NPFFR2: variants seen among roughly 807,000 people sequenced by gnomAD.
The protein encoded by NPFFR2 is neuropeptide FF receptor 2.
A neutral mutation model predicts 13.1 loss-of-function variants in NPFFR2; 15 were observed. The ratio of observed to expected loss-of-function variants is 1.15; its 90% CI spans 0.77 to 1.76. NPFFR2 has a LOEUF of 1.76. NPFFR2 is among the 40% of genes most tolerant of loss of function. The pLI, the probability that NPFFR2 is intolerant of heterozygous loss-of-function variation, is 0.00. For missense variants in NPFFR2, 572 were observed against 503.5 expected (o/e 1.14, Z -1.30); for synonymous variants, 190 against 175.7 (o/e 1.08, Z -0.65).
chr4:72,131,697 T>C (rs894664290), intron 2 of NPFFR2, among the ~76,000 whole-genome samples: 1 of 152,190 alleles, frequency 6.6e-6, no homozygotes, highest in African/African-American at 2.4e-5. Context: ...ATGGGTGATT[T>C]GTAAGAACAG....
At chr4:72,135,445 C>T (rs1381415365) in intron 2 of NPFFR2, among the ~76,000 whole-genome samples, 1 of 151,684 alleles carries the variant, frequency 6.6e-6, no homozygotes, top group Admixed American at 6.6e-5. Context: ...TTTTTTGCCC[C>T]TCATTCTTCT....
intron 1 of NPFFR2, among the ~76,000 whole-genome samples, chr4:72,084,197 G>C (rs565389194): frequency 3.3e-5 from 5 of 152,086 alleles, no homozygotes; most frequent in Non-Finnish European, 7.4e-5. Flanking sequence ...TCCCCAGTTT[G>C]AAACACTTCA....
intron 1 of NPFFR2, among the ~76,000 whole-genome samples, chr4:72,083,195 G>C (rs1413327509): frequency 6.6e-6 from 1 of 152,002 alleles, no homozygotes; most frequent in African/African-American, 2.4e-5. Context: ...AATTTCCTTT[G>C]ACTCTATACC....
At chr4:72,113,408 A>G (rs62320812) in intron 1 of NPFFR2, among the ~76,000 whole-genome samples, 39,293 of 151,972 alleles carry the variant, frequency 0.26, 6,261 homozygotes, top group Admixed American at 0.34. Context: ...GCCACCCTTC[A>G]TCAATCCATT....
intron 1 of NPFFR2, among the ~76,000 whole-genome samples, chr4:72,048,075 TACAC>T (rs1055946361): frequency 6.6e-6 from 1 of 151,894 alleles, no homozygotes; most frequent in Non-Finnish European, 1.5e-5. Flanking sequence ...ACACGTATAT[TACAC>T]ACACACACAT....
chr4:72,038,075 C>T (rs12503480), intron 1 of NPFFR2, among the ~76,000 whole-genome samples: 52,837 of 151,960 alleles, frequency 0.35, 9,614 homozygotes, highest in East Asian at 0.68. Flanking sequence ...TCCTTTGACA[C>T]CCTCGAGTCT....
intron 1 of NPFFR2, among the ~76,000 whole-genome samples, chr4:72,119,146 C>T (rs1721795858): frequency 6.6e-6 from 1 of 152,084 alleles, no homozygotes; most frequent in African/African-American, 2.4e-5. Context: ...AAATGCATAG[C>T]ACCTGTAAGA....
chr4:72,128,316 G>T (rs1307501048), intron 1 of NPFFR2, among the ~76,000 whole-genome samples: 1 of 152,096 alleles, frequency 6.6e-6, no homozygotes, highest in Non-Finnish European at 1.5e-5. Context: ...CATGCCAAAA[G>T]AAGTGAAATA....
At chr4:72,102,064 CAT>C (rs1321195839) in intron 1 of NPFFR2, among the ~76,000 whole-genome samples, 3 of 152,072 alleles carry the variant, frequency 2.0e-5, no homozygotes, top group Non-Finnish European at 4.4e-5. Flanking sequence ...TTTGAAAACT[CAT>C]ATAAATTGGA....
chr4:72,090,645 T>C (rs1007406625), intron 1 of NPFFR2, among the ~76,000 whole-genome samples: 1 of 152,146 alleles, frequency 6.6e-6, no homozygotes, highest in Non-Finnish European at 1.5e-5. Flanking sequence ...TGTTGGTGTT[T>C]AGCAGTGCTA....
At chr4:72,048,140 G>A (rs548899327) in intron 1 of NPFFR2, among the ~76,000 whole-genome samples, 29 of 152,106 alleles carry the variant, frequency 1.9e-4, no homozygotes, top group African/African-American at 5.8e-4. Flanking sequence ...ACACACGTAC[G>A]TAAATGCACA....
chr4:72,078,782 A>G (rs1006167304), intron 1 of NPFFR2, among the ~76,000 whole-genome samples: 8 of 152,146 alleles, frequency 5.3e-5, no homozygotes, highest in African/African-American at 1.4e-4. Context: ...ATTTTTGACA[A>G]AAATGTAAAA....
chr4:72,035,430 C>A (rs372232388), intron 1 of NPFFR2, among the ~76,000 whole-genome samples: 3 of 152,142 alleles, frequency 2.0e-5, no homozygotes, highest in Admixed American at 1.3e-4. Flanking sequence ...CACCAGAGAC[C>A]AGGAAAAGAG....
At chr4:72,032,239 G>T (rs758538135) in intron 1 of NPFFR2, 39 bp downstream of exon 1, 2 of 1,551,496 alleles carry the variant, frequency 1.3e-6, no homozygotes, top group Non-Finnish European at 8.7e-7. Flanking sequence ...GCCCCCGCTT[G>T]GGGGCGCGAC....
In NPFFR2 at chr4:72,147,867, T is replaced by C. The variant is rs1159161543; in HGVS notation, c.*55T>C. 5.4e-6 allele frequency: 7 copies of C among 1,290,164 alleles called. No individual in the cohort carries two copies. Among genetic ancestry groups the C allele is most frequent in the Non-Finnish European group, 7.3e-6 (7 of 960,660 alleles). The allele number at this position is 1,290,164 out of a possible 1,614,324, so 79.9% of individuals were successfully genotyped here. On this transcript the variant is annotated 3_prime_UTR_variant, in exon 4 of 4. Transcript: ENST00000308744. ...CTACGCATTATATATTTAAATCCATTGCTTTTTGTGGCTTTGCACTTCAAA... is the reference window on the plus strand; with the variant it reads ...CTACGCATTATATATTTAAATCCATCGCTTTTTGTGGCTTTGCACTTCAAA...
chr4:72,146,610 G>GTA, intron 3 of NPFFR2: 1 of 190,026 alleles, frequency 5.3e-6, no homozygotes. Flanking sequence ...AAAATCCTGT[G>GTA]TAATTATTGG....
chr4:72,115,205 A>T (rs72857407), intron 1 of NPFFR2, among the ~76,000 whole-genome samples: 4,750 of 152,214 alleles, frequency 0.031, 239 homozygotes, highest in African/African-American at 0.11. Context: ...TCATGGATGT[A>T]TTTATTTCAA....
chr4:72,128,446 T>C (rs949274501), intron 1 of NPFFR2, 139 bp from the exon 2 acceptor site: 3 of 562,992 alleles, frequency 5.3e-6, no homozygotes, highest in Admixed American at 3.5e-5. Context: ...TTCAGTTTTA[T>C]GTAAAACTTA....
intron 2 of NPFFR2, among the ~76,000 whole-genome samples, chr4:72,135,100 T>C (rs1722368631): frequency 6.6e-6 from 1 of 152,182 alleles, no homozygotes; most frequent in South Asian, 2.1e-4. Context: ...GCTACTGCTA[T>C]AAAATATGGT....
Sources: gnomAD v4.1 joint callset for allele counts (sites outside exome capture counted in the v4.1 genomes callset) on GRCh38, gnomAD v4.1.1 for gene constraint, MANE v1.5 for transcripts, NCBI Gene and HGNC (gene_info 2026-07-23, HGNC 2026-07-21) for gene names.